RBFOX3: variants seen among roughly 807,000 people sequenced by gnomAD.
RBFOX3 encodes the protein RNA binding fox-1 homolog 3, also known as RNA binding protein fox-1 homolog 3.
In RBFOX3, 17 loss-of-function variants were observed where a neutral mutation model predicts 48.7. That is an observed-to-expected ratio of 0.35 (90% confidence interval 0.24 to 0.52). RBFOX3 has a LOEUF of 0.52. Among genes scored for constraint, RBFOX3 ranks in the 20% least tolerant of loss-of-function variants. The pLI is 0.94. For synonymous variants in RBFOX3, 212 were observed against 209.5 expected, an observed-to-expected ratio of 1.01 and a Z score of -0.10; for missense variants, 382 against 497.5, an observed-to-expected ratio of 0.77 and a Z score of 2.21.
the RBFOX3 span, among the ~76,000 whole-genome samples, chr17:79,623,538 C>T: frequency 6.6e-6 from 1 of 152,080 alleles, no homozygotes; most frequent in Non-Finnish European, 1.5e-5. Context: ...GGAGACTGGG[C>T]GCAGTGGCTC....
At chr17:79,518,555 G>A (rs2149960172) in intron 1 of RBFOX3, among the ~76,000 whole-genome samples, 1 of 152,380 alleles carries the variant, frequency 6.6e-6, no homozygotes, top group South Asian at 2.1e-4. Context: ...AATCCCTGAA[G>A]GCTGGGGGAG....
intron 2 of RBFOX3, among the ~76,000 whole-genome samples, chr17:79,440,266 C>T (rs1050303791): frequency 8.5e-5 from 13 of 152,234 alleles, no homozygotes; most frequent in Admixed American, 5.9e-4. Flanking sequence ...GTCCTGCGGA[C>T]GGGCCGTGCT....
At chr17:79,575,443 C>A (rs1446920651) in intron 1 of RBFOX3, among the ~76,000 whole-genome samples, 4 of 152,132 alleles carry the variant, frequency 2.6e-5, no homozygotes, top group African/African-American at 9.7e-5. Context: ...GGTGCAGGGG[C>A]AGCCAGCAGG....
At chr17:79,121,746 CTCCAACA>C (rs2035793294) in intron 4 of RBFOX3, among the ~76,000 whole-genome samples, 2 of 152,184 alleles carry the variant, frequency 1.3e-5, no homozygotes, top group Admixed American at 6.5e-5. Flanking sequence ...CTGTCTATCT[CTCCAACA>C]TCTGGATACT....
chr17:79,620,995 ACTT>A, the RBFOX3 span, among the ~76,000 whole-genome samples: 1 of 86,708 alleles, frequency 1.2e-5, no homozygotes, highest in African/African-American at 4.6e-5. Context: ...AGTTAATCCA[ACTT>A]CTTTTTTTTT....
chr17:79,370,841 C>A (rs1412324171), intron 2 of RBFOX3, among the ~76,000 whole-genome samples: 2 of 152,270 alleles, frequency 1.3e-5, no homozygotes, highest in African/African-American at 4.8e-5. Context: ...CATATGCACA[C>A]AGGCACATGC....
intron 5 of RBFOX3, 81 bp downstream of exon 5, chr17:79,115,413 C>T (rs1260584388): frequency 5.5e-6 from 5 of 913,762 alleles, no homozygotes; most frequent in Admixed American, 4.1e-5. Flanking sequence ...ACACCTCATG[C>T]CCTTCTGGGC....
intron 1 of RBFOX3, among the ~76,000 whole-genome samples, chr17:79,538,956 T>A (rs548195632): frequency 1.3e-5 from 2 of 152,128 alleles, no homozygotes; most frequent in African/African-American, 2.4e-5. Flanking sequence ...TAAATACGCA[T>A]GCAAACAACC....
At chr17:79,328,014 T>C (rs912696332) in intron 2 of RBFOX3, among the ~76,000 whole-genome samples, 1 of 152,166 alleles carries the variant, frequency 6.6e-6, no homozygotes, top group African/African-American at 2.4e-5. Flanking sequence ...CTCTTATCTA[T>C]ACAAACATTG....
chr17:79,259,840 CCT>C (rs767664113), intron 3 of RBFOX3, among the ~76,000 whole-genome samples: 1 of 152,012 alleles, frequency 6.6e-6, no homozygotes, highest in East Asian at 1.9e-4. Context: ...CAGCATTTTC[CCT>C]CTCTCTCTCC....
chr17:79,570,594 G>T (rs1342288797), intron 1 of RBFOX3, among the ~76,000 whole-genome samples: 1 of 152,192 alleles, frequency 6.6e-6, no homozygotes, highest in Non-Finnish European at 1.5e-5. Flanking sequence ...CTGTATCTGA[G>T]TAATGTTTCC....
At chr17:79,453,122 G>A (rs1456866981) in intron 2 of RBFOX3, among the ~76,000 whole-genome samples, 1 of 152,276 alleles carries the variant, frequency 6.6e-6, no homozygotes, top group African/African-American at 2.4e-5. Context: ...AGTCACGGCA[G>A]TGTGTCCTTT....
At chr17:79,191,413 A>G (rs909607657) in intron 4 of RBFOX3, among the ~76,000 whole-genome samples, 1 of 152,218 alleles carries the variant, frequency 6.6e-6, no homozygotes, top group Non-Finnish European at 1.5e-5. Flanking sequence ...AGGCCTCGGG[A>G]AACAGAATGT....
chr17:79,094,708 G>A (rs965175211), intron 13 of RBFOX3, among the ~76,000 whole-genome samples, 179 bp from the exon 14 acceptor site: 1 of 150,274 alleles, frequency 6.7e-6, no homozygotes, highest in African/African-American at 2.4e-5. Context: ...TTCTTGTTAA[G>A]AAGGAAGCTT....
chr17:79,318,074 C>T (rs2077791651), intron 2 of RBFOX3, among the ~76,000 whole-genome samples: 1 of 152,204 alleles, frequency 6.6e-6, no homozygotes, highest in African/African-American at 2.4e-5. Context: ...ATCTCCTAAA[C>T]TGCCTGGCTG....
chr17:79,219,827 T>C (rs1184602176), intron 4 of RBFOX3, among the ~76,000 whole-genome samples: 1 of 151,634 alleles, frequency 6.6e-6, no homozygotes, highest in Admixed American at 6.6e-5. Flanking sequence ...GGAGGGGAGC[T>C]TGTGGGGCTG....
intron 2 of RBFOX3, among the ~76,000 whole-genome samples, chr17:79,347,533 C>G (rs1039540774): frequency 2.6e-5 from 4 of 152,108 alleles, no homozygotes; most frequent in Non-Finnish European, 5.9e-5. Flanking sequence ...TGTGTTAGAA[C>G]TTTTCTATTT....
chr17:79,215,044 A>G (rs1456085966), intron 4 of RBFOX3, among the ~76,000 whole-genome samples: 1 of 152,032 alleles, frequency 6.6e-6, no homozygotes, highest in Non-Finnish European at 1.5e-5. Context: ...TGGGGGAGTG[A>G]CATGAGCCCA....
chr17:79,353,443 C>G (rs896287520), intron 2 of RBFOX3, among the ~76,000 whole-genome samples: 1 of 152,210 alleles, frequency 6.6e-6, no homozygotes, highest in African/African-American at 2.4e-5. Flanking sequence ...GATGAGCAAG[C>G]TTTGTTTGTT....
Sources: gnomAD v4.1 joint callset for allele counts (sites outside exome capture counted in the v4.1 genomes callset) on GRCh38, gnomAD v4.1.1 for gene constraint, MANE v1.5 for transcripts, NCBI Gene and HGNC (gene_info 2026-07-23, HGNC 2026-07-21) for gene names.